The following MAP2K5 variants were observed in gnomAD, a reference collection of about 807,000 sequenced individuals.
MAP2K5 encodes dual specificity mitogen-activated protein kinase kinase 5.
A neutral mutation model predicts 83.1 loss-of-function variants in MAP2K5; 49 were observed. The observed-to-expected ratio is 0.59, with a 90% CI of 0.47 to 0.75. The LOEUF (loss-of-function observed/expected upper bound fraction) is 0.75. Among genes scored for constraint, MAP2K5 ranks in the 30% least tolerant of loss-of-function variants. The pLI is 0.00. For missense variants in MAP2K5, 457 were observed against 557.5 expected, an observed-to-expected ratio of 0.82 and a Z score of 1.82; for synonymous variants, 202 against 191.8, an observed-to-expected ratio of 1.05 and a Z score of -0.44.
chr15:67,795,879 T>C (rs1272996496), intron 21 of MAP2K5, among the ~76,000 whole-genome samples: 1 of 152,246 alleles, frequency 6.6e-6, no homozygotes, highest in Admixed American at 6.5e-5. Context: ...TTTTGCTTTA[T>C]ATGTTTTAAG....
At chr15:67,685,442 G>A (rs1362562953) in intron 13 of MAP2K5, among the ~76,000 whole-genome samples, 1 of 152,062 alleles carries the variant, frequency 6.6e-6, no homozygotes, top group East Asian at 1.9e-4. Flanking sequence ...ACAAAAAAAT[G>A]TTAAGCTATT....
At chr15:67,806,439 C>A (rs2090808637) in intron 21 of MAP2K5, among the ~76,000 whole-genome samples, 1 of 152,228 alleles carries the variant, frequency 6.6e-6, no homozygotes. Context: ...CAGCACTCCA[C>A]ACGCTTGGTG....
intron 13 of MAP2K5, among the ~76,000 whole-genome samples, chr15:67,687,248 C>T (rs953024222): frequency 6.6e-6 from 1 of 152,082 alleles, no homozygotes; most frequent in Non-Finnish European, 1.5e-5. Flanking sequence ...GCCTGAAAAC[C>T]AGGCTGTATT....
At chr15:67,798,627 A>G (rs2090647682) in intron 21 of MAP2K5, among the ~76,000 whole-genome samples, 1 of 152,222 alleles carries the variant, frequency 6.6e-6, no homozygotes, top group Non-Finnish European at 1.5e-5. Flanking sequence ...TGCTCAGATG[A>G]AAAGTGGAGA....
intron 8 of MAP2K5, among the ~76,000 whole-genome samples, chr15:67,620,964 AC>A (rs1174502449): frequency 3.9e-5 from 6 of 152,324 alleles, no homozygotes; most frequent in African/African-American, 1.2e-4. Context: ...ATCAATAATT[AC>A]AAAAAATATA....
Position 67,719,428 on chromosome 15 carries a change from A to C in MAP2K5, c.1045-8488A>C, listed in dbSNP as rs951468067. The stretch of plus-strand genomic sequence containing the variant: ...AATGCTTATTGTCAACCTACTGCAA[A>C]ATGCTATTTCTGATGTCATGGAGAA... On this transcript the variant is annotated intron_variant, in intron 16 of 21. Coordinates refer to ENST00000178640, the MANE Select transcript of MAP2K5 (RefSeq NM_145160.3). The surrounding 1 kb of genome is among the most constrained non-coding windows in gnomAD (Gnocchi z 4.6). 1.1e-4 allele frequency among the ~76,000 whole-genome samples: 16 copies of C among 152,182 alleles called. No individual in the cohort carries two copies. Among genetic ancestry groups the C allele is most frequent in the African/African-American group, 3.6e-4 (15 of 41,432 alleles).
intron 19 of MAP2K5, among the ~76,000 whole-genome samples, chr15:67,763,359 A>G (rs1031691046): frequency 6.6e-6 from 1 of 152,224 alleles, no homozygotes; most frequent in Non-Finnish European, 1.5e-5. Flanking sequence ...CTATGTAGTT[A>G]TGGCTACTCA....
At chr15:67,557,346 C>T (rs1327843414) in intron 2 of MAP2K5, among the ~76,000 whole-genome samples, 1 of 152,174 alleles carries the variant, frequency 6.6e-6, no homozygotes. Context: ...TGTCTTAAAC[C>T]TATAAAAACC....
intron 13 of MAP2K5, among the ~76,000 whole-genome samples, chr15:67,672,484 C>T (rs1167915225): frequency 1.3e-5 from 2 of 150,694 alleles, no homozygotes; most frequent in Non-Finnish European, 3.0e-5. Flanking sequence ...TGTTCATGTC[C>T]TTCGCCCACT....
rs2084762738 is a variant in MAP2K5 at position 67,562,775 on chromosome 15, G to A, written c.185-508G>A. On this transcript the variant is annotated intron_variant, in intron 2 of 21. Coordinates refer to ENST00000178640, the MANE Select transcript of MAP2K5 (RefSeq NM_145160.3). This position sits in a 1 kb window ranked among gnomAD's most constrained non-coding sequence, Gnocchi z 4.1. ...GTTCATGTCGCAGGTTTGTTATGAG[G>A]TTTTCAAGGAGGTATTGCATATGAA... Among the ~76,000 whole-genome samples the A allele has an allele frequency of 6.6e-6, 1 of 152,146 alleles. No individual in the cohort carries two copies. Among genetic ancestry groups the A allele is most frequent in the South Asian group, 2.1e-4 (1 of 4,830 alleles).
chr15:67,577,396 T>C lies in MAP2K5; in HGVS notation c.253-3358T>C, dbSNP rs2085088462. On this transcript the variant is annotated intron_variant, in intron 3 of 21. Coordinates refer to ENST00000178640, the MANE Select transcript of MAP2K5 (RefSeq NM_145160.3). The surrounding 1 kb of genome is among the most constrained non-coding windows in gnomAD (Gnocchi z 4.1). ...AAATGTTTATTAAACACCTACTATG[T>C]GCAGAGCTTTGTGTTAGGGCTAATA... Among the ~76,000 whole-genome samples, 2 of 152,236 alleles carry C rather than the reference T, an allele frequency of 1.3e-5. No individual in the cohort carries two copies. The highest frequency in any genetic ancestry group is 1.9e-4 in the East Asian group (1 of 5,206).
In MAP2K5 at chr15:67,646,217, C is replaced by T. The variant is rs983766480; in HGVS notation, c.586-14C>T. 4 of 1,086,270 alleles carry T rather than the reference C, an allele frequency of 3.7e-6. No individual in the cohort carries two copies. Among genetic ancestry groups the T allele is most frequent in the African/African-American group, 3.2e-5 (2 of 62,418 alleles). The allele number at this position is 1,086,270 out of a possible 1,614,324, so 67.3% of individuals were successfully genotyped here. ...TTAGAAGATTAAAAAATATTAATACCTTTCTATATTTAGGTCATACTACTA... is the reference window on the plus strand; with the variant it reads ...TTAGAAGATTAAAAAATATTAATACTTTTCTATATTTAGGTCATACTACTA... On this transcript the variant is annotated splice_polypyrimidine_tract_variant and intron_variant, in intron 9 of 21. Coordinates refer to ENST00000178640, the MANE Select transcript of MAP2K5 (RefSeq NM_145160.3).
At chr15:67,662,678 A>G (rs1205482494) in intron 12 of MAP2K5, among the ~76,000 whole-genome samples, 1 of 152,174 alleles carries the variant, frequency 6.6e-6, no homozygotes, top group Non-Finnish European at 1.5e-5. Context: ...CATAGAAGGT[A>G]GTACTTGTCA....
Position 67,587,144 on chromosome 15 carries a change from G to A in MAP2K5, c.431+231G>A, listed in dbSNP as rs1264938062. 6.6e-6 allele frequency among the ~76,000 whole-genome samples: 1 copy of A among 152,208 alleles called. No individual in the cohort carries two copies. ...TTGACCTGAAGAAGCAGAGAAGGGCGTTTCAGACGGAGGGAAGAGGGTAGG... is the reference window on the plus strand; with the variant it reads ...TTGACCTGAAGAAGCAGAGAAGGGCATTTCAGACGGAGGGAAGAGGGTAGG... On this transcript the variant is annotated intron_variant, in intron 6 of 21. Coordinates refer to ENST00000178640, the MANE Select transcript of MAP2K5 (RefSeq NM_145160.3). This position sits in a 1 kb window ranked among gnomAD's most constrained non-coding sequence, Gnocchi z 4.8.
chr15:67,709,799 A>G (rs1166910507), intron 16 of MAP2K5, among the ~76,000 whole-genome samples: 1 of 152,230 alleles, frequency 6.6e-6, no homozygotes, highest in Non-Finnish European at 1.5e-5. Flanking sequence ...GAGTCAAAAA[A>G]TAAGTCAACA....
chr15:67,712,343 A>T (rs1172452670), intron 16 of MAP2K5, among the ~76,000 whole-genome samples: 1 of 152,212 alleles, frequency 6.6e-6, no homozygotes, highest in Non-Finnish European at 1.5e-5. Context: ...CTTAGTCTAC[A>T]AGCCCCATCC....
chr15:67,656,124 T>G (rs545361048), intron 11 of MAP2K5, among the ~76,000 whole-genome samples: 1 of 152,122 alleles, frequency 6.6e-6, no homozygotes, highest in South Asian at 2.1e-4. Context: ...CCAGTAACTT[T>G]GGAATCACGA....
chr15:67,545,597 G>A (rs905062812), intron 1 of MAP2K5, among the ~76,000 whole-genome samples: 1 of 152,216 alleles, frequency 6.6e-6, no homozygotes, highest in Non-Finnish European at 1.5e-5. Flanking sequence ...TAAAACAATG[G>A]AAGGTTGATT....
intron 13 of MAP2K5, among the ~76,000 whole-genome samples, chr15:67,689,234 A>G (rs1475252575): frequency 6.6e-6 from 1 of 152,192 alleles, no homozygotes; most frequent in Non-Finnish European, 1.5e-5. Flanking sequence ...TGAAATACAT[A>G]CATGCATACA....
Sources: gnomAD v4.1 joint callset for allele counts (sites outside exome capture counted in the v4.1 genomes callset) on GRCh38, gnomAD v4.1.1 for gene constraint, Gnocchi (gnomAD v3.1) non-coding constraint, MANE v1.5 for transcripts, NCBI Gene and HGNC (gene_info 2026-07-23, HGNC 2026-07-21) for gene names.